The following ATP1A1 variants were observed in gnomAD, a reference collection of about 807,000 sequenced individuals.
The protein encoded by ATP1A1 is ATPase Na+/K+ transporting subunit alpha 1.
A neutral mutation model predicts 114.8 loss-of-function variants in ATP1A1; 14 were observed. The ratio of observed to expected loss-of-function variants is 0.12; its 90% CI spans 0.08 to 0.19. The LOEUF is 0.19. Among genes scored for constraint, ATP1A1 ranks in the 10% least tolerant of loss-of-function variants. The probability of loss-of-function intolerance (pLI) is 1.00; values close to 1 mark genes in which losing one functional copy is unlikely to be tolerated. For missense variants in ATP1A1, 524 were observed against 1,290.7 expected, an observed-to-expected ratio of 0.41 and a Z score of 9.10; for synonymous variants, 471 against 466.3, an observed-to-expected ratio of 1.01 and a Z score of -0.13.
Position 116,384,100 on chromosome 1 carries a change from T to C in ATP1A1, c.99T>C (p.Asp33=). 1 of 1,613,982 alleles carries C rather than the reference T, an allele frequency of 6.2e-7. No individual in the cohort carries two copies. Among genetic ancestry groups the C allele is most frequent in the South Asian group, 1.1e-5 (1 of 91,074 alleles). Residue 33 remains aspartate, a synonymous_variant, in exon 2 of 23, where the codon GAT becomes GAC. Coordinates refer to ENST00000295598, the MANE Select transcript of ATP1A1 (RefSeq NM_000701.8). This position sits in a 1 kb window ranked among gnomAD's most constrained non-coding sequence, Gnocchi z 5.1. ...AGGGCAAAAAAGACAGGGACATGGA[T>C]GAACTGAAGAAAGAAGTTTCTATGG... ...GKKGKKDRDM[D]ELKKEVSMDD...
intron 10 of ATP1A1, among the ~76,000 whole-genome samples, chr1:116,391,904 A>C: frequency 6.6e-6 from 1 of 152,212 alleles, no homozygotes; most frequent in Middle Eastern, 3.2e-3. Flanking sequence ...GGCCATGTTG[A>C]TGGCATTATT....
chr1:116,379,651 T>A (rs1030282033), intron 1 of ATP1A1, among the ~76,000 whole-genome samples: 2 of 152,240 alleles, frequency 1.3e-5, no homozygotes, highest in African/African-American at 4.8e-5. Context: ...TCTTCAAAGG[T>A]TTGAAAAGAA....
intron 18 of ATP1A1, among the ~76,000 whole-genome samples, chr1:116,400,049 T>C (rs1465476342): frequency 6.6e-6 from 1 of 152,334 alleles, no homozygotes; most frequent in Non-Finnish European, 1.5e-5. Flanking sequence ...CATGACTAGC[T>C]AACAGGTGAT....
At position 116,384,593 on chromosome 1, in the gene ATP1A1, A is replaced by G. The variant is rs1357393509; in HGVS notation, c.124-190A>G. 6.6e-6 allele frequency among the ~76,000 whole-genome samples: 1 copy of G among 152,226 alleles called. No individual in the cohort carries two copies. The highest frequency in any genetic ancestry group is 1.5e-5 in the Non-Finnish European group (1 of 68,030). ...CAGCTTTAGCCATTCTCCAGTGAAG[A>G]GCTGTCAATGATAACTGTGTGGTTG... On this transcript the variant is annotated intron_variant, in intron 2 of 22. Coordinates refer to ENST00000295598, the MANE Select transcript of ATP1A1 (RefSeq NM_000701.8). This position sits in a 1 kb window ranked among gnomAD's most constrained non-coding sequence, Gnocchi z 5.1.
chr1:116,388,939 A>G lies in ATP1A1; in HGVS notation c.674A>G (p.Gln225Arg). 6.2e-7 allele frequency: 1 copy of G among 1,614,228 alleles called. No individual in the cohort carries two copies. The highest frequency in any genetic ancestry group is 8.5e-7 in the Non-Finnish European group (1 of 1,180,038). Reference protein sequence around the residue: ...NSSLTGESEPQTRSPDFTNEN... With the variant: ...NSSLTGESEPRTRSPDFTNEN... ...TCGCTCACTGGTGAATCAGAACCCC[A>G]GACTAGGTCTCCAGATTTCACAAAT... is the stretch of plus-strand genomic sequence containing the variant. The change falls in exon 7 of 23, where the codon CAG (glutamine) becomes CGG (arginine). Residue 225 changes from glutamine (Q) to arginine (R), a missense_variant. This residue lies in a region of ATP1A1 where 141 missense variants were observed against 316.6 expected (regional missense o/e 0.45). Transcript: ENST00000295598. This position sits in a 1 kb window ranked among gnomAD's most constrained non-coding sequence, Gnocchi z 5.6.
Position 116,387,199 on chromosome 1 carries a change from C to T in ATP1A1, c.184-89C>T. ...GGGACATTTTGTTTCTTCCTTAAAT[C>T]CTTATTGCAACCGTCCAGCTACCAG... is the stretch of plus-strand genomic sequence containing the variant. On this transcript the variant is annotated intron_variant, in intron 3 of 22. Coordinates refer to ENST00000295598, the MANE Select transcript of ATP1A1 (RefSeq NM_000701.8). This position sits in a 1 kb window ranked among gnomAD's most constrained non-coding sequence, Gnocchi z 6.7. 1 of 1,455,752 alleles carries T rather than the reference C, an allele frequency of 6.9e-7. No homozygotes were observed. Among genetic ancestry groups the T allele is most frequent in the South Asian group, 1.2e-5 (1 of 82,734 alleles). The allele number at this position is 1,455,752 out of a possible 1,614,324, so 90.2% of individuals were successfully genotyped here. A position where few individuals can be genotyped will look rare whatever the true frequency, so the allele number is the denominator to read the frequency against.
intron 18 of ATP1A1, among the ~76,000 whole-genome samples, chr1:116,400,064 G>A (rs1217480957): frequency 2.0e-5 from 3 of 152,216 alleles, no homozygotes; most frequent in Non-Finnish European, 4.4e-5. Context: ...GGTGATCCAG[G>A]TGGTGGGCAA....
At chr1:116,392,647 G>T (rs187320745) in intron 10 of ATP1A1, 4 of 491,724 alleles carry the variant, frequency 8.1e-6, no homozygotes, top group Non-Finnish European at 1.4e-5. Context: ...GGGGAAGGAC[G>T]TTGGGGTTTG....
In ATP1A1 at chr1:116,398,875, A is replaced by C. The variant is rs1325161210; in HGVS notation, c.2294-55A>C. The C allele has an allele frequency of 1.9e-6, 3 of 1,611,426 alleles. No homozygotes were observed. The Admixed American group carries it at 5.0e-5, about 27-fold the overall frequency. On this transcript the variant is annotated intron_variant, in intron 16 of 22. Coordinates refer to ENST00000295598, the MANE Select transcript of ATP1A1 (RefSeq NM_000701.8). This position sits in a 1 kb window ranked among gnomAD's most constrained non-coding sequence, Gnocchi z 6.1. ...TTCTGTATACTTCTTGGATATGTTC[A>C]GTTTCCAGTGTGCTTGTCTCATAAG...
rs770028207 is a variant in ATP1A1, at chr1:116,393,629, C to T, written c.1566C>T (p.Leu522=). 5 of 1,614,186 alleles carry T rather than the reference C, an allele frequency of 3.1e-6. No homozygotes were observed. Among genetic ancestry groups the T allele is most frequent in the East Asian group, 2.2e-5 (1 of 44,874 alleles). ...TCCTAGACCGTTGCAGCTCTATCCTCCTCCACGGCAAGGAGCAGCCCCTGG... is the reference window on the plus strand; with the variant it reads ...TCCTAGACCGTTGCAGCTCTATCCTTCTCCACGGCAAGGAGCAGCCCCTGG... ...ERILDRCSSI[L]LHGKEQPLDE... is the part of the protein sequence containing the mutation. The change falls in exon 12 of 23, where the codon CTC becomes CTT. Residue 522 remains leucine, a synonymous_variant. Transcript: ENST00000295598. This position sits in a 1 kb window ranked among gnomAD's most constrained non-coding sequence, Gnocchi z 5.0.
In ATP1A1 at chr1:116,401,596, G is replaced by A. The variant is rs747623154; in HGVS notation, c.2892G>A (p.Leu964=). 3.7e-6 allele frequency: 6 copies of A among 1,614,192 alleles called. No homozygotes were observed. The South Asian group carries it at 5.5e-5, about 15-fold the overall frequency. Residue 964 remains leucine, a synonymous_variant, in exon 21 of 23, where the codon CTG becomes CTA. Coordinates refer to ENST00000295598, the MANE Select transcript of ATP1A1 (RefSeq NM_000701.8). The surrounding 1 kb of genome is among the most constrained non-coding windows in gnomAD (Gnocchi z 4.7). ...TTGGCCTCTTTGAAGAGACAGCCCT[G>A]GCTGCTTTCCTTTCCTACTGCCCTG... ...LIFGLFEETA[L]AAFLSYCPGM... is the part of the protein sequence containing the mutation.
chr1:116,375,637 A>G (rs1651314753), intron 1 of ATP1A1, among the ~76,000 whole-genome samples: 1 of 152,238 alleles, frequency 6.6e-6, no homozygotes, highest in South Asian at 2.1e-4. Context: ...ATTCTGATAC[A>G]TTAAACATTA....
rs1250825397 is a variant in ATP1A1 at position 116,392,924 on chromosome 1, A to G, written c.1403A>G (p.Lys468Arg). The change falls in exon 11 of 23, where the codon AAG (lysine) becomes AGG (arginine). Residue 468 changes from lysine (K) to arginine (R), a missense_variant. Physicochemically the swap from Lys to Arg is conservative, Grantham distance 26 (BLOSUM62 2). Coordinates refer to ENST00000295598, the MANE Select transcript of ATP1A1 (RefSeq NM_000701.8). ...KCIELCCGSV[K>R]EMRERYAKIV... ...ATAGAGCTGTGCTGTGGTTCCGTGA[A>G]GGAGATGAGAGAAAGATACGCCAAA... The G allele has an allele frequency of 1.2e-6, 2 of 1,614,038 alleles. No homozygotes were observed. Among genetic ancestry groups the G allele is most frequent in the East Asian group, 2.2e-5 (1 of 44,896 alleles).
At chr1:116,402,431 C>T (rs139873656) in intron 21 of ATP1A1, among the ~76,000 whole-genome samples, 1 of 152,310 alleles carries the variant, frequency 6.6e-6, no homozygotes, top group Non-Finnish European at 1.5e-5. Context: ...CTCATCCTTG[C>T]TCAGACCCGT....
chr1:116,400,776 C>T, intron 18 of ATP1A1, 85 bp from the exon 19 acceptor site: 1 of 1,512,836 alleles, frequency 6.6e-7, no homozygotes, highest in Non-Finnish European at 9.0e-7. Flanking sequence ...TGTGCTCTCC[C>T]AGGCCTGCTG....
chr1:116,404,326 C>T lies in ATP1A1; in HGVS notation c.3044-90C>T, dbSNP rs777923538. 1.7e-5 allele frequency: 26 copies of T among 1,516,490 alleles called. No individual in the cohort carries two copies. The East Asian group carries it at 2.1e-4, about 12-fold the overall frequency. 93.9% of individuals were successfully genotyped at this position (1,516,490 alleles called of 1,614,324 possible). ...AACACACCCGACCCCCATCATCCTC[C>T]GGTTGGTTTTCATCCCTGTTTCCCT... is the stretch of plus-strand genomic sequence containing the variant. On this transcript the variant is annotated intron_variant, in intron 22 of 22. Coordinates refer to ENST00000295598, the MANE Select transcript of ATP1A1 (RefSeq NM_000701.8). The surrounding 1 kb of genome is among the most constrained non-coding windows in gnomAD (Gnocchi z 4.8).
rs760646881 is a variant in ATP1A1 at position 116,389,430 on chromosome 1, C to A, written c.755-9C>A. ...ATTAGGTACAGTTCTCCCTCCCCTT[C>A]TTTTTAAGGCACCGCACGTGGTATT... On this transcript the variant is annotated splice_polypyrimidine_tract_variant and intron_variant, in intron 7 of 22. Coordinates refer to ENST00000295598, the MANE Select transcript of ATP1A1 (RefSeq NM_000701.8). The surrounding 1 kb of genome is among the most constrained non-coding windows in gnomAD (Gnocchi z 6.9). 1 of 1,613,236 alleles carries A rather than the reference C, an allele frequency of 6.2e-7. No homozygotes were observed. Among genetic ancestry groups the A allele is most frequent in the African/African-American group, 1.3e-5 (1 of 74,916 alleles).
chr1:116,400,806 A>G, intron 18 of ATP1A1, 55 bp from the exon 19 acceptor site: 1 of 1,601,760 alleles, frequency 6.2e-7, no homozygotes. Flanking sequence ...GCTGAAGGCT[A>G]TACAGGTACC....
intron 18 of ATP1A1, among the ~76,000 whole-genome samples, chr1:116,400,411 G>A (rs1653350785): frequency 6.6e-6 from 1 of 152,160 alleles, no homozygotes; most frequent in African/African-American, 2.4e-5. Context: ...AGGGGGAGGA[G>A]GGTCCTGAAG....
Sources: gnomAD v4.1 joint callset for allele counts (sites outside exome capture counted in the v4.1 genomes callset) on GRCh38, gnomAD v4.1.1 for gene constraint, gnomAD v4.1.1 regional missense constraint, Gnocchi (gnomAD v3.1) non-coding constraint, MANE v1.5 for transcripts, NCBI Gene and HGNC (gene_info 2026-07-23, HGNC 2026-07-21) for gene names.